ASIC2: variants seen among roughly 807,000 people sequenced by gnomAD.
ASIC2 encodes acid sensing ion channel subunit 2.
Under a neutral mutation model 57.3 loss-of-function variants are expected in ASIC2, and 25 were observed. The ratio of observed to expected loss-of-function variants is 0.44; its 90% CI spans 0.32 to 0.61. ASIC2 has a LOEUF of 0.61. Ranked by LOEUF, ASIC2 falls within the 20% of genes least tolerant of loss-of-function variation. The pLI, the probability that ASIC2 is intolerant of heterozygous loss-of-function variation, is 0.06. For missense variants in ASIC2, 641 were observed against 738.1 expected (o/e 0.87, Z 1.52); for synonymous variants, 319 against 307.5 (o/e 1.04, Z -0.39).
intron 1 of ASIC2, among the ~76,000 whole-genome samples, chr17:33,393,557 T>C (rs1356026246): frequency 6.6e-6 from 1 of 152,118 alleles, no homozygotes; most frequent in Non-Finnish European, 1.5e-5. Context: ...ATTTCAACCA[T>C]CGACTAGTTG....
intron 1 of ASIC2, among the ~76,000 whole-genome samples, chr17:33,500,735 T>C (rs1448663993): frequency 1.3e-5 from 2 of 152,232 alleles, no homozygotes; most frequent in African/African-American, 4.8e-5. Context: ...TCCCAGAGTG[T>C]CTAAAGGATT....
chr17:33,917,324 C>T (rs1235473865), intron 1 of ASIC2, among the ~76,000 whole-genome samples: 2 of 152,148 alleles, frequency 1.3e-5, no homozygotes, highest in African/African-American at 2.4e-5. Flanking sequence ...GCGCCATCTT[C>T]CCCAGAACCC....
chr17:33,675,596 C>T (rs1907793277), intron 1 of ASIC2, among the ~76,000 whole-genome samples: 1 of 152,056 alleles, frequency 6.6e-6, no homozygotes. Flanking sequence ...AAAATTGATA[C>T]AGGGTCTCTG....
At chr17:34,127,730 G>A (rs889687174) in intron 1 of ASIC2, among the ~76,000 whole-genome samples, 1 of 152,140 alleles carries the variant, frequency 6.6e-6, no homozygotes, top group African/African-American at 2.4e-5. Context: ...GATGCCACCT[G>A]AGCCCTCCAC....
At chr17:33,094,393 A>C (rs903115095) in intron 2 of ASIC2, among the ~76,000 whole-genome samples, 2 of 151,972 alleles carry the variant, frequency 1.3e-5, no homozygotes, top group African/African-American at 4.8e-5. Flanking sequence ...CTTCTTTCCG[A>C]GGGGGTGGTA....
chr17:33,496,072 C>T (rs539366522), intron 1 of ASIC2, among the ~76,000 whole-genome samples: 9 of 152,280 alleles, frequency 5.9e-5, no homozygotes, highest in Non-Finnish European at 1.3e-4. Flanking sequence ...TTTTGTGGAA[C>T]TTTGGGCTGA....
At chr17:33,810,496 C>A (rs145940406) in intron 1 of ASIC2, among the ~76,000 whole-genome samples, 150 of 152,276 alleles carry the variant, frequency 9.9e-4, no homozygotes, top group Middle Eastern at 3.4e-3. Context: ...TGCAGGAACA[C>A]TGGTCTGGAT....
intron 1 of ASIC2, among the ~76,000 whole-genome samples, chr17:33,826,370 T>C (rs1289474251): frequency 6.6e-6 from 1 of 152,208 alleles, no homozygotes; most frequent in East Asian, 1.9e-4. Flanking sequence ...TGAGGCACGA[T>C]TGGGAGCTGC....
intron 1 of ASIC2, among the ~76,000 whole-genome samples, chr17:33,628,834 T>C (rs1906069146): frequency 1.3e-5 from 2 of 152,234 alleles, no homozygotes; most frequent in South Asian, 4.1e-4. Flanking sequence ...ATGCCAATGT[T>C]CACCTTCTAG....
intron 1 of ASIC2, among the ~76,000 whole-genome samples, chr17:33,882,553 C>A (rs911048924): frequency 2.6e-5 from 4 of 152,044 alleles, no homozygotes; most frequent in Non-Finnish European, 2.9e-5. Context: ...AATCAAAACC[C>A]CAATGAGATA....
At chr17:33,350,097 G>T (rs996445432) in intron 1 of ASIC2, among the ~76,000 whole-genome samples, 1 of 152,154 alleles carries the variant, frequency 6.6e-6, no homozygotes, top group Non-Finnish European at 1.5e-5. Context: ...CTTCACAGTC[G>T]GTGGAGACCC....
chr17:33,640,194 CAG>C (rs1906513490), intron 1 of ASIC2, among the ~76,000 whole-genome samples: 1 of 151,846 alleles, frequency 6.6e-6, no homozygotes, highest in South Asian at 2.1e-4. Flanking sequence ...AGTGAGGAGA[CAG>C]GGAGAGGCGG....
At chr17:33,059,621 C>T (rs938943934) in intron 3 of ASIC2, among the ~76,000 whole-genome samples, 5 of 152,138 alleles carry the variant, frequency 3.3e-5, no homozygotes, top group Admixed American at 2.6e-4. Flanking sequence ...AATAAACATA[C>T]GTGTGCATGT....
intron 1 of ASIC2, among the ~76,000 whole-genome samples, chr17:34,026,390 A>G (rs1311282748): frequency 6.6e-6 from 1 of 152,124 alleles, no homozygotes; most frequent in Non-Finnish European, 1.5e-5. Context: ...CCTGGCCTGC[A>G]TAGATGATCC....
chr17:33,162,678 C>T (rs1905194978), intron 1 of ASIC2, among the ~76,000 whole-genome samples: 1 of 152,220 alleles, frequency 6.6e-6, no homozygotes. Context: ...CTGTCTCACA[C>T]TCGGACTTGG....
chr17:33,621,959 A>C (rs72827236), intron 1 of ASIC2, among the ~76,000 whole-genome samples: 3 of 151,918 alleles, frequency 2.0e-5, no homozygotes, highest in Admixed American at 6.6e-5. Flanking sequence ...GAGGATACAC[A>C]TTAAGCACCT....
chr17:33,220,649 AC>A (rs78733243), intron 1 of ASIC2, among the ~76,000 whole-genome samples: 17,238 of 152,208 alleles, frequency 0.11, 1,202 homozygotes, highest in Middle Eastern at 0.24. Context: ...TATACAAAGC[AC>A]CCGGCCTAAT....
At chr17:33,926,958 G>A (rs1051143735) in intron 1 of ASIC2, among the ~76,000 whole-genome samples, 2 of 151,858 alleles carry the variant, frequency 1.3e-5, no homozygotes, top group Non-Finnish European at 2.9e-5. Flanking sequence ...ACAGAGTCTC[G>A]CTCTGTTGCC....
intron 1 of ASIC2, among the ~76,000 whole-genome samples, chr17:33,175,508 C>T (rs1040274350): frequency 8.7e-5 from 12 of 137,558 alleles, no homozygotes; most frequent in Non-Finnish European, 1.3e-4. Context: ...AAAGGATTCA[C>T]AAATAAGAAA....
Sources: allele counts gnomAD v4.1 joint callset (sites outside exome capture counted in the v4.1 genomes callset), GRCh38; gene constraint gnomAD v4.1.1; transcripts MANE v1.5; gene names NCBI Gene and HGNC (gene_info 2026-07-23, HGNC 2026-07-21).